SPRYD4: variants seen among roughly 807,000 people sequenced by gnomAD.
The protein encoded by SPRYD4 is SPRY domain containing 4, also known as SPRY domain-containing protein 4.
SPRYD4 carries 12 observed loss-of-function variants against 16.6 expected under a neutral mutation model. That is an observed-to-expected ratio of 0.72 (90% confidence interval 0.46 to 1.17). The LOEUF is 1.17. Ranked by LOEUF, SPRYD4 falls within the 50% of genes most tolerant of loss-of-function variation. The pLI is 0.00. For synonymous variants in SPRYD4, 98 were observed against 105.4 expected (o/e 0.93, Z 0.43); for missense variants, 260 against 260.2 (o/e 1.00, Z 0.00).
chr12:56,478,546 C>T lies in SPRYD4; in HGVS notation c.*8969C>T, dbSNP rs1169833676. ...CCCTTTTGGTTCTTAGGCTCAGTTA[C>T]CCTATAAATCCCTTTGAAGGCTCTA... On this transcript the variant is annotated 3_prime_UTR_variant, in exon 2 of 2. Transcript: ENST00000338146. 4.8e-6 allele frequency: 2 copies of T among 414,450 alleles called. No individual in the cohort carries two copies. The highest frequency in any genetic ancestry group is 8.9e-6 in the Non-Finnish European group (2 of 225,636). 25.7% of individuals were successfully genotyped at this position (414,450 alleles called of 1,614,324 possible). A position where few individuals can be genotyped will look rare whatever the true frequency, so the allele number is the denominator to read the frequency against.
At chr12:56,468,782 C>T in intron 1 of SPRYD4, 106 bp downstream of exon 1, 2 of 1,273,156 alleles carry the variant, frequency 1.6e-6, no homozygotes, top group Non-Finnish European at 2.2e-6. Flanking sequence ...CTTTTCCTTC[C>T]CCACCTGCCT....
In SPRYD4 at chr12:56,476,704, C is replaced by G. The variant is rs927922868; in HGVS notation, c.*7127C>G. On this transcript the variant is annotated 3_prime_UTR_variant, in exon 2 of 2. Coordinates refer to ENST00000338146, the MANE Select transcript of SPRYD4 (RefSeq NM_207344.4). ...CCGCCTCCCGGGTTCATACCATTCT[C>G]CTGCCTTAGCCTCCCGAGCAGCTGG... 6.6e-6 allele frequency: 1 copy of G among 151,454 alleles called. No individual in the cohort carries two copies. The highest frequency in any genetic ancestry group is 1.5e-5 in the Non-Finnish European group (1 of 68,050). The allele number at this position is 151,454 out of a possible 1,614,324, so 9.4% of individuals were successfully genotyped here. A position where few individuals can be genotyped will look rare whatever the true frequency, so the allele number is the denominator to read the frequency against.
chr12:56,469,637 G>A lies in SPRYD4; in HGVS notation c.*60G>A, dbSNP rs111757677. On this transcript the variant is annotated 3_prime_UTR_variant, in exon 2 of 2. Transcript: ENST00000338146. Reference sequence around the variant, plus strand: ...GGCCAGCCTCCTTTTGAAAGTGTCCGAAGCCTTTTTACTTTGCCTCAAGCA... The same window carrying A: ...GGCCAGCCTCCTTTTGAAAGTGTCCAAAGCCTTTTTACTTTGCCTCAAGCA... 21,953 of 1,507,702 alleles carry A rather than the reference G, an allele frequency of 0.015. 203 individuals carry two copies. Among genetic ancestry groups the A allele is most frequent in the Non-Finnish European group, 0.017 (19,240 of 1,126,254 alleles). The allele number at this position is 1,507,702 out of a possible 1,614,324, so 93.4% of individuals were successfully genotyped here.
Position 56,477,686 on chromosome 12 carries a change from C to T in SPRYD4, c.*8109C>T. ...TTGATCAGGGAGCTGACAACAATGG[C>T]ACCAGCATTGACCATGGGGTTATGG... On this transcript the variant is annotated 3_prime_UTR_variant, in exon 2 of 2. Transcript: ENST00000338146. 6.2e-7 allele frequency: 1 copy of T among 1,613,576 alleles called. No individual in the cohort carries two copies. The highest frequency in any genetic ancestry group is 8.5e-7 in the Non-Finnish European group (1 of 1,179,800).
chr12:56,469,433 G>C lies in SPRYD4; in HGVS notation c.480G>C (p.Gln160His). Residue 160 changes from glutamine to histidine, a missense_variant, in exon 2 of 2, where the codon CAG becomes CAC. Transcript: ENST00000338146. ...GGCTGTTGCTGGAGTATGAGGCCCA[G>C]AAGCTGAGCCTGGTGGATGTGAGCC... ...KVGLLLEYEA[Q>H]KLSLVDVSQV... 7 of 1,614,104 alleles carry C rather than the reference G, an allele frequency of 4.3e-6. No homozygotes were observed. The highest frequency in any genetic ancestry group is 5.9e-6 in the Non-Finnish European group (7 of 1,180,014).
At position 56,473,627 on chromosome 12, in the gene SPRYD4, G is replaced by A. The variant is rs971926109; in HGVS notation, c.*4050G>A. 2 of 1,584,630 alleles carry A rather than the reference G, an allele frequency of 1.3e-6. No individual in the cohort carries two copies. The highest frequency in any genetic ancestry group is 2.7e-5 in the African/African-American group (2 of 73,996). On this transcript the variant is annotated 3_prime_UTR_variant, in exon 2 of 2. Coordinates refer to ENST00000338146, the MANE Select transcript of SPRYD4 (RefSeq NM_207344.4). ...ACAGAACTGAAGCTGAGGATAAAGT[G>A]GGTGTGCCCCAAATCAGAAAATAAA...
At position 56,471,553 on chromosome 12, in the gene SPRYD4, G is replaced by A. The variant is rs777817518; in HGVS notation, c.*1976G>A. The A allele has an allele frequency of 5.6e-6, 9 of 1,614,068 alleles. No individual in the cohort carries two copies. On this transcript the variant is annotated 3_prime_UTR_variant, in exon 2 of 2. Transcript: ENST00000338146. The stretch of plus-strand genomic sequence containing the variant: ...CTGCTGCCTCAGCCTGAGTTTCAGA[G>A]AGTGTGTAGGAGTCCTGGTAATCTT...
In SPRYD4 at chr12:56,472,948, C is replaced by A; in HGVS notation, c.*3371C>A. 1 of 564,592 alleles carries A rather than the reference C, an allele frequency of 1.8e-6. No homozygotes were observed. Among genetic ancestry groups the A allele is most frequent in the South Asian group, 2.1e-5 (1 of 47,166 alleles). The allele number at this position is 564,592 out of a possible 1,614,324, so 35.0% of individuals were successfully genotyped here. ...TGTCGTTCAGGCTGAAGTGTAGTGGCGCGCGGTCTTGGCTCACTGCAACCT... is the reference window on the plus strand; with the variant it reads ...TGTCGTTCAGGCTGAAGTGTAGTGGAGCGCGGTCTTGGCTCACTGCAACCT... On this transcript the variant is annotated 3_prime_UTR_variant, in exon 2 of 2. Coordinates refer to ENST00000338146, the MANE Select transcript of SPRYD4 (RefSeq NM_207344.4).
rs1870006619 is a variant in SPRYD4, at chr12:56,478,323, T to C, written c.*8746T>C. 1.9e-6 allele frequency: 3 copies of C among 1,546,356 alleles called. No homozygotes were observed. The highest frequency in any genetic ancestry group is 2.7e-6 in the Non-Finnish European group (3 of 1,119,874). ...GTGGAGAAGAGGAACAGAGTTGAGG[T>C]TGAGGGTCAAGAGAATCTTTTAGAT... On this transcript the variant is annotated 3_prime_UTR_variant, in exon 2 of 2. Coordinates refer to ENST00000338146, the MANE Select transcript of SPRYD4 (RefSeq NM_207344.4).
At position 56,475,361 on chromosome 12, in the gene SPRYD4, T is replaced by C. The variant is rs916131311; in HGVS notation, c.*5784T>C. 8.6e-6 allele frequency: 9 copies of C among 1,044,980 alleles called. No homozygotes were observed. The highest frequency in any genetic ancestry group is 1.1e-5 in the Non-Finnish European group (8 of 741,514). The allele number at this position is 1,044,980 out of a possible 1,614,324, so 64.7% of individuals were successfully genotyped here. ...CATCTAGGAAAACTGGTGAAGTTTT[T>C]GGCTTTGAAAGTCTTGGCAAGAAAG... On this transcript the variant is annotated 3_prime_UTR_variant, in exon 2 of 2. Coordinates refer to ENST00000338146, the MANE Select transcript of SPRYD4 (RefSeq NM_207344.4).
rs774567560 is a variant in SPRYD4, at chr12:56,472,147, G to C, written c.*2570G>C. ...CAGCTGCAGCAACATGCAGAGCTGT[G>C]CGCGAGTCATAGTCTTTCTGTTCCA... On this transcript the variant is annotated 3_prime_UTR_variant, in exon 2 of 2. Transcript: ENST00000338146. The C allele has an allele frequency of 4.8e-5, 77 of 1,614,010 alleles. No homozygotes were observed. Among genetic ancestry groups the C allele is most frequent in the Non-Finnish European group, 6.4e-5 (75 of 1,180,034 alleles).
chr12:56,476,662 C>T lies in SPRYD4; in HGVS notation c.*7085C>T, dbSNP rs1440767107. 2 of 148,364 alleles carry T rather than the reference C, an allele frequency of 1.3e-5. No individual in the cohort carries two copies. Among genetic ancestry groups the T allele is most frequent in the East Asian group, 2.0e-4 (1 of 5,010 alleles). 9.2% of individuals were successfully genotyped at this position (148,364 alleles called of 1,614,324 possible). On this transcript the variant is annotated 3_prime_UTR_variant, in exon 2 of 2. Transcript: ENST00000338146. ...AGGCTGGAGTGCAGTGGCAGGATCT[C>T]GGCTCAACTGCAAGCTCCGCCTCCC...
chr12:56,479,268 G>T lies in SPRYD4; in HGVS notation c.*9691G>T. On this transcript the variant is annotated 3_prime_UTR_variant, in exon 2 of 2. Transcript: ENST00000338146. ...GCCACGGAAATTGGGAATAAAGAAG[G>T]TTGAGTGGTCTTCAGGTTTGGGATC... The T allele has an allele frequency of 6.5e-7, 1 of 1,528,328 alleles. No individual in the cohort carries two copies. Among genetic ancestry groups the T allele is most frequent in the South Asian group, 1.2e-5 (1 of 81,836 alleles). 94.7% of individuals were successfully genotyped at this position (1,528,328 alleles called of 1,614,324 possible). A position where few individuals can be genotyped will look rare whatever the true frequency, so the allele number is the denominator to read the frequency against.
chr12:56,474,711 C>T lies in SPRYD4; in HGVS notation c.*5134C>T, dbSNP rs923600307. On this transcript the variant is annotated 3_prime_UTR_variant, in exon 2 of 2. Coordinates refer to ENST00000338146, the MANE Select transcript of SPRYD4 (RefSeq NM_207344.4). ...CTGCCTGATTCACAAGTGACCTCCA[C>T]AGAACACAGCTATGAAAACAAAGAA... The T allele has an allele frequency of 6.2e-7, 1 of 1,609,232 alleles. No individual in the cohort carries two copies. The highest frequency in any genetic ancestry group is 8.5e-7 in the Non-Finnish European group (1 of 1,176,806).
chr12:56,477,933 C>T lies in SPRYD4; in HGVS notation c.*8356C>T. On this transcript the variant is annotated 3_prime_UTR_variant, in exon 2 of 2. Coordinates refer to ENST00000338146, the MANE Select transcript of SPRYD4 (RefSeq NM_207344.4). The stretch of plus-strand genomic sequence containing the variant: ...CGGTCTGAGCCTTGGTAGTGCTCAC[C>T]TTCCTCATTGAGGGAGAGCTTGTTG... The T allele has an allele frequency of 6.2e-7, 1 of 1,612,102 alleles. No individual in the cohort carries two copies. Among genetic ancestry groups the T allele is most frequent in the Non-Finnish European group, 8.5e-7 (1 of 1,178,806 alleles).
rs547129521 is a variant in SPRYD4 at position 56,472,317 on chromosome 12, T to C, written c.*2740T>C. The C allele has an allele frequency of 3.1e-3, 2,560 of 820,188 alleles. 9 individuals are homozygous for C. The highest frequency in any genetic ancestry group is 4.3e-3 in the Non-Finnish European group (2,103 of 492,118). 50.8% of individuals were successfully genotyped at this position (820,188 alleles called of 1,614,324 possible). A position where few individuals can be genotyped will look rare whatever the true frequency, so the allele number is the denominator to read the frequency against. On this transcript the variant is annotated 3_prime_UTR_variant, in exon 2 of 2. Coordinates refer to ENST00000338146, the MANE Select transcript of SPRYD4 (RefSeq NM_207344.4). ...AAGTGAAACAGCCTATAGCCAGATT[T>C]GTTGGCTCTGAATAATCTTTTTTCC...
In SPRYD4 at chr12:56,472,803, C is replaced by A; in HGVS notation, c.*3226C>A. The A allele has an allele frequency of 2.0e-6, 3 of 1,518,910 alleles. No individual in the cohort carries two copies. Among genetic ancestry groups the A allele is most frequent in the Non-Finnish European group, 2.7e-6 (3 of 1,094,104 alleles). The allele number at this position is 1,518,910 out of a possible 1,614,324, so 94.1% of individuals were successfully genotyped here. ...CATTAATTGAACTCACCTATGCCAGCTGTGCCCTGTGACCCTCCTCCATGG... is the reference window on the plus strand; with the variant it reads ...CATTAATTGAACTCACCTATGCCAGATGTGCCCTGTGACCCTCCTCCATGG... On this transcript the variant is annotated 3_prime_UTR_variant, in exon 2 of 2. Transcript: ENST00000338146.
rs750755525 is a variant in SPRYD4, at chr12:56,473,991, C to G, written c.*4414C>G. Reference sequence around the variant, plus strand: ...CATGAGATAGGGTGGTCAGAAAAGTCTTTCTTTGGAAATGACATCTAAGCT... The same window carrying G: ...CATGAGATAGGGTGGTCAGAAAAGTGTTTCTTTGGAAATGACATCTAAGCT... On this transcript the variant is annotated 3_prime_UTR_variant, in exon 2 of 2. Coordinates refer to ENST00000338146, the MANE Select transcript of SPRYD4 (RefSeq NM_207344.4). 20 of 177,462 alleles carry G rather than the reference C, an allele frequency of 1.1e-4. No individual in the cohort carries two copies. The highest frequency in any genetic ancestry group is 2.4e-4 in the Non-Finnish European group (20 of 83,860). The allele number at this position is 177,462 out of a possible 1,614,324, so 11.0% of individuals were successfully genotyped here. A position where few individuals can be genotyped will look rare whatever the true frequency, so the allele number is the denominator to read the frequency against.
At position 56,472,014 on chromosome 12, in the gene SPRYD4, T is replaced by C. The variant is rs1869320586; in HGVS notation, c.*2437T>C. The C allele has an allele frequency of 1.5e-6, 2 of 1,353,204 alleles. No individual in the cohort carries two copies. Among genetic ancestry groups the C allele is most frequent in the Admixed American group, 3.5e-5 (2 of 56,446 alleles). The allele number at this position is 1,353,204 out of a possible 1,614,324, so 83.8% of individuals were successfully genotyped here. A position where few individuals can be genotyped will look rare whatever the true frequency, so the allele number is the denominator to read the frequency against. On this transcript the variant is annotated 3_prime_UTR_variant, in exon 2 of 2. Transcript: ENST00000338146. ...CCGAAGGGTGTCTAGATAAAACTAG[T>C]TGCTGCCCCTATAACCTTGAGGGCA...
Sources: allele counts gnomAD v4.1 joint callset, GRCh38; gene constraint gnomAD v4.1.1; transcripts MANE v1.5; gene names NCBI Gene and HGNC (gene_info 2026-07-23, HGNC 2026-07-21).